ZNF536: variants seen among roughly 807,000 people sequenced by gnomAD.
The protein encoded by ZNF536 is zinc finger protein 536.
ZNF536 carries 13 observed loss-of-function variants against 84.5 expected under a neutral mutation model. The observed-to-expected ratio is 0.15, with a 90% CI of 0.10 to 0.24. The LOEUF is 0.24. Among genes scored for constraint, ZNF536 ranks in the 10% least tolerant of loss-of-function variants. The pLI is 1.00. For synonymous variants in ZNF536, 811 were observed against 742.5 expected (o/e 1.09, Z -1.50); for missense variants, 1,536 against 1,747.5 (o/e 0.88, Z 2.16).
upstream of ZNF536, among the ~76,000 whole-genome samples, chr19:30,226,459 G>A (rs891665634): frequency 1.1e-4 from 16 of 151,726 alleles, no homozygotes; most frequent in African/African-American, 3.9e-4. This position sits in a 1 kb window ranked among gnomAD's most constrained non-coding sequence, Gnocchi z 4.6. Context: ...CGGGCGCCGA[G>A]AGCCGCTGAG....
chr19:30,383,079 CG>C (rs2049085491), intron 1 of ZNF536, among the ~76,000 whole-genome samples: 1 of 152,118 alleles, frequency 6.6e-6, no homozygotes, highest in Non-Finnish European at 1.5e-5. Flanking sequence ...CACCTGAGGT[CG>C]GGAGTTCGAG....
chr19:30,338,435 G>A (rs2047455535), intron 2 of ZNF536, among the ~76,000 whole-genome samples: 1 of 151,704 alleles, frequency 6.6e-6, no homozygotes, highest in African/African-American at 2.4e-5. Flanking sequence ...ATTTGATGAT[G>A]ATGGCGATGA....
rs1215356949 is a variant in ZNF536 at position 30,443,665 on chromosome 19, A to G, written c.103A>G (p.Lys35Glu). ...VLNGQYAMSQKLHQITSQLSH... is the reference protein window; with the variant it reads ...VLNGQYAMSQELHQITSQLSH... ...CAACGGCCAGTATGCCATGAGTCAG[A>G]AGCTGCACCAGATCACCTCCCAGCT... is the stretch of plus-strand genomic sequence containing the variant. Residue 35 changes from lysine (K) to glutamate (E), a missense_variant, in exon 2 of 5, where the codon AAG (lysine) becomes GAG (glutamate). Around this residue, in one of 8 missense-constraint regions of ZNF536, gnomAD observed 161 missense variants for 178.5 expected, o/e 0.90. Transcript: ENST00000355537. 6.2e-7 allele frequency: 1 copy of G among 1,613,778 alleles called. No homozygotes were observed. Among genetic ancestry groups the G allele is most frequent in the Non-Finnish European group, 8.5e-7 (1 of 1,179,960 alleles).
At chr19:30,498,883 A>C (rs1450232579) in intron 2 of ZNF536, among the ~76,000 whole-genome samples, 1 of 152,132 alleles carries the variant, frequency 6.6e-6, no homozygotes, top group Non-Finnish European at 1.5e-5. Flanking sequence ...GGCAGCGAGC[A>C]TGCAGCGAGG....
intron 2 of ZNF536, among the ~76,000 whole-genome samples, chr19:30,475,069 C>CGTT (rs767851302): frequency 5.3e-5 from 8 of 152,006 alleles, no homozygotes; most frequent in African/African-American, 1.7e-4. Context: ...CTTATTTTTG[C>CGTT]GTTATTGTTG....
chr19:30,225,928 A>G (rs2144551796), upstream of ZNF536, among the ~76,000 whole-genome samples: 1 of 108,148 alleles, frequency 9.2e-6, no homozygotes, highest in African/African-American at 3.5e-5. Flanking sequence ...TGGCGAGAGA[A>G]GCTGTCAGCG....
chr19:30,314,806 G>A (rs970924249), intron 2 of ZNF536, among the ~76,000 whole-genome samples: 2 of 152,040 alleles, frequency 1.3e-5, no homozygotes, highest in Admixed American at 6.5e-5. Flanking sequence ...GTGGGTGATC[G>A]CACCCAACCC....
At chr19:30,301,569 T>G (rs2046185297) in intron 2 of ZNF536, among the ~76,000 whole-genome samples, 1 of 152,206 alleles carries the variant, frequency 6.6e-6, no homozygotes, top group African/African-American at 2.4e-5. Flanking sequence ...TTAAGAGTAA[T>G]GGACAGAGTG....
intron 1 of ZNF536, among the ~76,000 whole-genome samples, chr19:30,431,051 T>C (rs919341536): frequency 9.2e-5 from 14 of 152,212 alleles, no homozygotes; most frequent in Admixed American, 7.2e-4. Flanking sequence ...CAAGTCACAC[T>C]TTACTCCCCC....
At chr19:30,604,565 GT>G (rs1324391211) in intron 1 of ZNF536, among the ~76,000 whole-genome samples, 1 of 152,102 alleles carries the variant, frequency 6.6e-6, no homozygotes, top group Non-Finnish European at 1.5e-5. Flanking sequence ...AGGATAACTG[GT>G]TTTTTTCTTT....
At chr19:30,464,938 G>A (rs1252356729) in intron 2 of ZNF536, among the ~76,000 whole-genome samples, 2 of 152,086 alleles carry the variant, frequency 1.3e-5, no homozygotes, top group African/African-American at 4.8e-5. Flanking sequence ...GAACCCCCAA[G>A]GGATGCAGCA....
At chr19:30,703,958 A>G (rs1223377949) in intron 1 of ZNF536, among the ~76,000 whole-genome samples, 1 of 152,200 alleles carries the variant, frequency 6.6e-6, no homozygotes, top group African/African-American at 2.4e-5. Flanking sequence ...GCAGCCTTAC[A>G]AAAGAGGGAA....
chr19:30,622,415 G>A (rs2048514435), intron 1 of ZNF536, among the ~76,000 whole-genome samples: 1 of 152,228 alleles, frequency 6.6e-6, no homozygotes, highest in Non-Finnish European at 1.5e-5. Flanking sequence ...TGTCCCCCCA[G>A]GGGCATGTTT....
At chr19:30,487,640 C>T (rs984819720) in intron 2 of ZNF536, among the ~76,000 whole-genome samples, 4 of 152,088 alleles carry the variant, frequency 2.6e-5, no homozygotes, top group Admixed American at 6.6e-5. Flanking sequence ...AACTCAACCC[C>T]CTGGTGCATG....
At chr19:30,375,054 T>C (rs2048758899) in intron 1 of ZNF536, among the ~76,000 whole-genome samples, 1 of 151,540 alleles carries the variant, frequency 6.6e-6, no homozygotes, top group Non-Finnish European at 1.5e-5. Flanking sequence ...ATGATGGCAT[T>C]AATAATCGTT....
At chr19:30,530,817 T>A (rs2044778361) in intron 2 of ZNF536, among the ~76,000 whole-genome samples, 1 of 152,210 alleles carries the variant, frequency 6.6e-6, no homozygotes, top group African/African-American at 2.4e-5. Context: ...GCTTTTATAC[T>A]CGGGGTAGAG....
At chr19:30,425,283 G>T (rs1260724302) in intron 1 of ZNF536, among the ~76,000 whole-genome samples, 2 of 152,060 alleles carry the variant, frequency 1.3e-5, no homozygotes, top group Admixed American at 6.6e-5. Context: ...GTGATCATGG[G>T]CAGGGAGAAG....
chr19:30,298,429 A>G (rs1280557955), intron 2 of ZNF536, among the ~76,000 whole-genome samples: 1 of 152,200 alleles, frequency 6.6e-6, no homozygotes, highest in East Asian at 1.9e-4. Flanking sequence ...AGGATGTGCA[A>G]CCAAGAACAG....
At chr19:30,331,641 C>T (rs1422735927) in intron 2 of ZNF536, among the ~76,000 whole-genome samples, 1 of 151,918 alleles carries the variant, frequency 6.6e-6, no homozygotes, top group Non-Finnish European at 1.5e-5. Flanking sequence ...TTTTCTTCCA[C>T]TTGACCTTAG....
Sources: gnomAD v4.1 joint callset for allele counts (sites outside exome capture counted in the v4.1 genomes callset) on GRCh38, gnomAD v4.1.1 for gene constraint, gnomAD v4.1.1 regional missense constraint, Gnocchi (gnomAD v3.1) non-coding constraint, MANE v1.5 for transcripts, NCBI Gene and HGNC (gene_info 2026-07-23, HGNC 2026-07-21) for gene names.